FOXP2: variants seen among roughly 807,000 people sequenced by gnomAD.
The protein encoded by FOXP2 is forkhead box protein P2.
A neutral mutation model predicts 115.8 loss-of-function variants in FOXP2; 12 were observed. The observed-to-expected ratio is 0.10, with a 90% CI of 0.07 to 0.17. The LOEUF is 0.17. Among genes scored for constraint, FOXP2 ranks in the 10% least tolerant of loss-of-function variants. FOXP2 has a pLI of 1.00. For synonymous variants in FOXP2, 328 were observed against 297.7 expected, an observed-to-expected ratio of 1.10 and a Z score of -1.05; for missense variants, 629 against 843.5, an observed-to-expected ratio of 0.75 and a Z score of 3.15.
intron 2 of FOXP2, among the ~76,000 whole-genome samples, chr7:114,493,005 G>A (rs1341931593): frequency 6.6e-6 from 1 of 152,096 alleles, no homozygotes. Context: ...GGTTGACAGT[G>A]GGATGTTAAA....
At chr7:114,489,503 T>C (rs1273187991) in intron 2 of FOXP2, among the ~76,000 whole-genome samples, 1 of 151,904 alleles carries the variant, frequency 6.6e-6, no homozygotes, top group African/African-American at 2.4e-5. Context: ...TCTCTTTTCC[T>C]CCTTTCCAGT....
At position 114,566,369 on chromosome 7, in the gene FOXP2, G is replaced by A. The variant is rs1801021565; in HGVS notation, c.258+31663G>A. On this transcript the variant is annotated intron_variant, in intron 3 of 16. Transcript: ENST00000350908. ...GTGTTGGAGGTGGGGCCTCACGGGAGGTGTTTGGGTCATGAGAGTGGATTC... is the reference window on the plus strand; with the variant it reads ...GTGTTGGAGGTGGGGCCTCACGGGAAGTGTTTGGGTCATGAGAGTGGATTC... Among the ~76,000 whole-genome samples the A allele has an allele frequency of 2.0e-5, 3 of 152,022 alleles. No individual in the cohort carries two copies. The South Asian group carries it at 6.2e-4, about 32-fold the overall frequency.
At chr7:114,588,721 G>A (rs1423482216) in intron 3 of FOXP2, among the ~76,000 whole-genome samples, 1 of 152,132 alleles carries the variant, frequency 6.6e-6, no homozygotes, top group Non-Finnish European at 1.5e-5. Flanking sequence ...AAGGAGTCCT[G>A]CAGATGTTTC....
intron 2 of FOXP2, among the ~76,000 whole-genome samples, chr7:114,318,336 C>T (rs1797322294): frequency 1.4e-5 from 2 of 143,438 alleles, no homozygotes; most frequent in Admixed American, 7.0e-5. Context: ...CTTTGTACTT[C>T]TTCGCTACAG....
chr7:114,171,307 C>T (rs558511110), intron 1 of FOXP2, among the ~76,000 whole-genome samples: 3 of 152,238 alleles, frequency 2.0e-5, no homozygotes, highest in East Asian at 1.9e-4. Context: ...GGTATGGTGG[C>T]TTACACCTGT....
In FOXP2 at chr7:114,157,160, A is replaced by ATTGT. The variant is rs1792693527; in HGVS notation, c.-246-5783_-246-5782insTGTT. ...TGTCAAATGACTCAGTAATTTCTTC[A>ATTGT]TAATAAAGTTACATTGTTAAGAAAA... On this transcript the variant is annotated intron_variant, in intron 1 of 19. Transcript: ENST00000635638. Among the ~76,000 whole-genome samples the ATTGT allele has an allele frequency of 2.0e-5, 3 of 152,150 alleles. No individual in the cohort carries two copies. The South Asian group carries it at 6.2e-4, about 31-fold the overall frequency.
At chr7:114,478,835 CTT>C (rs1796399783) in intron 2 of FOXP2, among the ~76,000 whole-genome samples, 1 of 151,628 alleles carries the variant, frequency 6.6e-6, no homozygotes, top group African/African-American at 2.4e-5. Context: ...AAATTTTGCC[CTT>C]CTCTCCATTT....
chr7:114,246,516 C>T (rs1050881035), intron 1 of FOXP2, among the ~76,000 whole-genome samples: 1 of 152,034 alleles, frequency 6.6e-6, no homozygotes, highest in Non-Finnish European at 1.5e-5. Context: ...TATGTTGTTT[C>T]TCACTACAAA....
At chr7:114,229,200 C>T (rs1255950685) in intron 1 of FOXP2, among the ~76,000 whole-genome samples, 3 of 150,530 alleles carry the variant, frequency 2.0e-5, no homozygotes, top group Non-Finnish European at 3.0e-5. Flanking sequence ...GAAGATATAA[C>T]TATTATAAAT....
intron 1 of FOXP2, among the ~76,000 whole-genome samples, chr7:114,226,548 T>C (rs1038285432): frequency 6.6e-6 from 1 of 152,204 alleles, no homozygotes; most frequent in Non-Finnish European, 1.5e-5. Context: ...TTTAACATGC[T>C]ATAGCAAGAA....
intron 2 of FOXP2, among the ~76,000 whole-genome samples, chr7:114,294,483 T>A (rs1201802359): frequency 1.3e-5 from 2 of 152,042 alleles, no homozygotes; most frequent in Admixed American, 6.6e-5. Context: ...AAATAATACG[T>A]TTGGTTTCCA....
intron 3 of FOXP2, among the ~76,000 whole-genome samples, chr7:114,626,636 T>C (rs1804607141): frequency 1.3e-5 from 2 of 151,750 alleles, no homozygotes; most frequent in Admixed American, 1.3e-4. Flanking sequence ...GCCTTTTTAG[T>C]TTAATATGTC....
intron 3 of FOXP2, among the ~76,000 whole-genome samples, chr7:114,544,737 T>C (rs1041272836): frequency 1.3e-5 from 2 of 152,214 alleles, no homozygotes; most frequent in Non-Finnish European, 1.5e-5. Context: ...AAGACAAAAT[T>C]ATTCTCTCTA....
chr7:114,148,425 T>C (rs919126742), intron 1 of FOXP2, among the ~76,000 whole-genome samples: 1 of 152,164 alleles, frequency 6.6e-6, no homozygotes, highest in African/African-American at 2.4e-5. Flanking sequence ...TTTTGTTCTT[T>C]GTAGGCAACG....
chr7:114,591,659 G>T (rs2129308240), intron 3 of FOXP2, among the ~76,000 whole-genome samples: 1 of 152,038 alleles, frequency 6.6e-6, no homozygotes, highest in South Asian at 2.1e-4. Flanking sequence ...ATAAATCTTA[G>T]TCTATAAAAT....
chr7:114,120,149 G>A (rs1791518714), intron 1 of FOXP2, among the ~76,000 whole-genome samples: 1 of 152,084 alleles, frequency 6.6e-6, no homozygotes, highest in Non-Finnish European at 1.5e-5. Flanking sequence ...GCTAATTACA[G>A]TAATTCACTT....
rs796952453 is a variant in FOXP2, at chr7:114,583,375, C to CA, written c.259-45155dup. On this transcript the variant is annotated intron_variant, in intron 3 of 16. Transcript: ENST00000350908. Reference sequence around the variant, plus strand: ...CCTGGGCAACAGAGTAAGCCTGTCTCAAAAAAAAAAGCAAAAAACAAGAAA... The same window carrying CA: ...CCTGGGCAACAGAGTAAGCCTGTCTCAAAAAAAAAAAGCAAAAAACAAGAAA... 1.8e-3 allele frequency among the ~76,000 whole-genome samples: 262 copies of CA among 145,672 alleles called. 1 individual carries two copies. Among genetic ancestry groups the CA allele is most frequent in the African/African-American group, 5.6e-3 (224 of 39,728 alleles).
chr7:114,115,429 T>C (rs374862781), intron 1 of FOXP2, among the ~76,000 whole-genome samples: 1 of 152,172 alleles, frequency 6.6e-6, no homozygotes, highest in East Asian at 1.9e-4. Flanking sequence ...ATCCTTAACA[T>C]AGTGATCAGA....
At chr7:114,243,925 T>TG (rs1380227196) in intron 1 of FOXP2, among the ~76,000 whole-genome samples, 1 of 151,732 alleles carries the variant, frequency 6.6e-6, no homozygotes, top group Non-Finnish European at 1.5e-5. Flanking sequence ...TGTTTTTTTT[T>TG]TTTGTTTTGT....
Sources: gnomAD v4.1 joint callset for allele counts (sites outside exome capture counted in the v4.1 genomes callset) on GRCh38, gnomAD v4.1.1 for gene constraint, MANE v1.5 for transcripts, NCBI Gene and HGNC (gene_info 2026-07-23, HGNC 2026-07-21) for gene names.